IQCE: variants seen among roughly 807,000 people sequenced by gnomAD.
IQCE encodes IQ motif containing E.
Under a neutral mutation model 96.0 loss-of-function variants are expected in IQCE, and 115 were observed. The observed-to-expected ratio is 1.20, with a 90% confidence interval of 1.03 to 1.40. The LOEUF (loss-of-function observed/expected upper bound fraction) is 1.40, where lower values mean the gene tolerates loss of function less well. Ranked by LOEUF, IQCE falls within the 40% of genes most tolerant of loss-of-function variation. IQCE has a pLI of 0.00. For synonymous variants in IQCE, 412 were observed against 371.2 expected, an observed-to-expected ratio of 1.11 and a Z score of -1.26; for missense variants, 1,041 against 909.1, an observed-to-expected ratio of 1.15 and a Z score of -1.87.
intron 21 of IQCE, among the ~76,000 whole-genome samples, chr7:2,609,158 T>C (rs375229722): frequency 5.9e-5 from 9 of 152,122 alleles, no homozygotes; most frequent in African/African-American, 1.9e-4. Context: ...TGGCGTCCCA[T>C]TCTAGAATGG....
intron 20 of IQCE, among the ~76,000 whole-genome samples, chr7:2,606,886 C>A (rs757474170): frequency 6.6e-6 from 1 of 152,170 alleles, no homozygotes; most frequent in Admixed American, 6.5e-5. Context: ...GCCGGCCTGA[C>A]CTCAGCATGG....
intron 16 of IQCE, among the ~76,000 whole-genome samples, chr7:2,596,616 C>T (rs796720673): frequency 3.0e-4 from 45 of 152,204 alleles, no homozygotes; most frequent in Admixed American, 7.8e-4. Flanking sequence ...TGAGGAGAGT[C>T]GGTTTAAGAG....
chr7:2,582,113 A>C (rs76521494), intron 8 of IQCE: 19 of 465,670 alleles, frequency 4.1e-5, no homozygotes, highest in African/African-American at 3.4e-4. Flanking sequence ...CCCTTCCCCA[A>C]ATAGAGGGGA....
In IQCE at chr7:2,610,096, C is replaced by CA; in HGVS notation, c.2024dup (p.Asn675LysfsTer4). On this transcript the variant is annotated frameshift_variant, in exon 22 of 22. Coordinates refer to ENST00000402050, the MANE Select transcript of IQCE (RefSeq NM_152558.5). LOFTEE classifies it high-confidence loss of function. ...TGGCACCTCTACCTGGGGATGACGT[C>CA]AACTCCGATGATTCCGACGATATTG... is the stretch of plus-strand genomic sequence containing the variant. 1 of 1,613,408 alleles carries CA rather than the reference C, an allele frequency of 6.2e-7. No homozygotes were observed. Among genetic ancestry groups the CA allele is most frequent in the South Asian group, 1.1e-5 (1 of 91,072 alleles).
rs765228487 is a variant in IQCE, at chr7:2,586,334, C to T, written c.951C>T (p.Arg317=). Residue 317 remains arginine (R), a synonymous_variant, in exon 12 of 22, where the codon CGC becomes CGT. Transcript: ENST00000402050. The part of the protein sequence containing the change: ...ENQSLKEDLD[R]VLSTSPTISK... ...AGAGCCTGAAGGAGGACCTGGACCG[C>T]GTGCTGAGCACCTCCCCAACCATCT... The T allele has an allele frequency of 6.8e-6, 11 of 1,613,660 alleles. No individual in the cohort carries two copies. Among genetic ancestry groups the T allele is most frequent in the African/African-American group, 5.3e-5 (4 of 75,040 alleles).
At chr7:2,598,755 G>A (rs758420508) in intron 17 of IQCE, 123 bp downstream of exon 17, 5 of 808,092 alleles carry the variant, frequency 6.2e-6, no homozygotes, top group African/African-American at 3.6e-5. Flanking sequence ...TCTGAGCACC[G>A]TAACATACAG....
intron 3 of IQCE, chr7:2,571,286 T>G (rs1008496148): frequency 4.5e-6 from 2 of 442,580 alleles, no homozygotes; most frequent in African/African-American, 2.0e-5. Context: ...CCCAAGGTAT[T>G]GGTATTATAG....
intron 18 of IQCE, among the ~76,000 whole-genome samples, chr7:2,603,239 A>G (rs1784557436): frequency 6.6e-6 from 1 of 152,056 alleles, no homozygotes; most frequent in Admixed American, 6.5e-5. Flanking sequence ...CGGTCCCCAC[A>G]GCCCGCTGCG....
At chr7:2,582,849 T>C (rs949935289) in intron 9 of IQCE, among the ~76,000 whole-genome samples, 199 bp downstream of exon 9, 2 of 152,238 alleles carry the variant, frequency 1.3e-5, no homozygotes, top group African/African-American at 2.4e-5. Flanking sequence ...CTTCCTGTTA[T>C]ATTTAAAAGA....
chr7:2,586,110 A>G (rs995796692), intron 11 of IQCE, 98 bp from the exon 12 acceptor site: 51 of 1,180,718 alleles, frequency 4.3e-5, no homozygotes, highest in Non-Finnish European at 5.8e-5. Context: ...TGAGCTCACA[A>G]CCAACAGAGC....
In IQCE at chr7:2,562,585, G is replaced by C. The variant is rs192391912; in HGVS notation, c.36+3368G>C. ...TCTTTACTTCTATAAGGTCAGTAGTGAGGCCCCCTTTTTTTTTTTTTCCCC... is the reference window on the plus strand; with the variant it reads ...TCTTTACTTCTATAAGGTCAGTAGTCAGGCCCCCTTTTTTTTTTTTTCCCC... On this transcript the variant is annotated intron_variant, in intron 1 of 21. Coordinates refer to ENST00000402050, the MANE Select transcript of IQCE (RefSeq NM_152558.5). Among the ~76,000 whole-genome samples, 287 of 146,376 alleles carry C rather than the reference G, an allele frequency of 2.0e-3. 13 individuals are homozygous for C. The highest frequency in any genetic ancestry group is 3.6e-3 in the Middle Eastern group (1 of 280).
Position 2,596,973 on chromosome 7 carries a change from G to C in IQCE, c.1441-1492G>C, listed in dbSNP as rs1239114301. On this transcript the variant is annotated intron_variant, in intron 16 of 21. Coordinates refer to ENST00000402050, the MANE Select transcript of IQCE (RefSeq NM_152558.5). The stretch of plus-strand genomic sequence containing the variant: ...TTCGTCAGGGATGTTAAGATGTGCA[G>C]ACACCCAAGTGACCATCCTAGGAAG... The C allele has an allele frequency of 8.5e-6, 4 of 471,274 alleles. No homozygotes were observed. In the East Asian group the frequency reaches 2.8e-4, roughly 33 times the overall value. The allele number at this position is 471,274 out of a possible 1,614,324, so 29.2% of individuals were successfully genotyped here. A position where few individuals can be genotyped will look rare whatever the true frequency, so the allele number is the denominator to read the frequency against.
chr7:2,568,039 A>G (rs946508788), intron 2 of IQCE, among the ~76,000 whole-genome samples: 1 of 152,188 alleles, frequency 6.6e-6, no homozygotes, highest in African/African-American at 2.4e-5. Flanking sequence ...TGCTCGGTCT[A>G]GTGCAAGGTG....
chr7:2,582,520 A>G (rs1302173709), intron 8 of IQCE, 60 bp from the exon 9 acceptor site: 18 of 1,438,684 alleles, frequency 1.3e-5, no homozygotes, highest in Non-Finnish European at 1.7e-5. Flanking sequence ...AGGAGGGGAC[A>G]GCCGCTTCTA....
At chr7:2,591,887 G>T (rs897217199) in intron 14 of IQCE, among the ~76,000 whole-genome samples, 2 of 151,948 alleles carry the variant, frequency 1.3e-5, no homozygotes, top group Non-Finnish European at 2.9e-5. Context: ...CTCCCAAAGT[G>T]CTGGGATTAC....
chr7:2,603,869 A>G (rs931319494), intron 18 of IQCE, among the ~76,000 whole-genome samples: 21 of 151,910 alleles, frequency 1.4e-4, no homozygotes, highest in Admixed American at 1.4e-3. Flanking sequence ...TCATTCTTCT[A>G]ACGAGTTTGA....
chr7:2,598,418 T>C (rs1784207538), intron 16 of IQCE, 47 bp from the exon 17 acceptor site: 20 of 1,515,326 alleles, frequency 1.3e-5, no homozygotes, highest in Non-Finnish European at 1.6e-5. Context: ...ATACTGGTTG[T>C]CCCTGCCCTG....
chr7:2,592,083 G>A (rs576881943), intron 14 of IQCE, among the ~76,000 whole-genome samples: 131 of 152,188 alleles, frequency 8.6e-4, no homozygotes, highest in African/African-American at 3.0e-3. Flanking sequence ...CACCGCGCCC[G>A]GCCCTACAGG....
At chr7:2,570,186 C>T (rs1781660646) in intron 3 of IQCE, among the ~76,000 whole-genome samples, 1 of 152,096 alleles carries the variant, frequency 6.6e-6, no homozygotes, top group Non-Finnish European at 1.5e-5. Context: ...GAGGGCGAGG[C>T]AGGCGATGAT....
Sources: gnomAD v4.1 joint callset for allele counts (sites outside exome capture counted in the v4.1 genomes callset) on GRCh38, gnomAD v4.1.1 for gene constraint, MANE v1.5 for transcripts, NCBI Gene and HGNC (gene_info 2026-07-23, HGNC 2026-07-21) for gene names.